Variants in FNDC3A observed in about 807,000 individuals in gnomAD.
FNDC3A encodes fibronectin type III domain containing 3A, also known as fibronectin type-III domain-containing protein 3A.
A neutral mutation model predicts 148.9 loss-of-function variants in FNDC3A; 32 were observed. The observed-to-expected ratio is 0.21, with a 90% confidence interval of 0.16 to 0.29. The LOEUF (loss-of-function observed/expected upper bound fraction) is 0.29. Among genes scored for constraint, FNDC3A ranks in the 10% least tolerant of loss-of-function variants. The pLI is 1.00. For missense variants in FNDC3A, 1,191 were observed against 1,452.8 expected, an observed-to-expected ratio of 0.82 and a Z score of 2.93; for synonymous variants, 472 against 473.6, an observed-to-expected ratio of 1.00 and a Z score of 0.04.
intron 2 of FNDC3A, chr13:49,044,818 CTT>C (rs1875235143): frequency 2.5e-6 from 1 of 402,596 alleles, no homozygotes; most frequent in South Asian, 2.1e-5. Flanking sequence ...TTTTTCAATA[CTT>C]TTTGTGTGTT....
At chr13:49,107,439 G>C (rs1880269936) in intron 3 of FNDC3A, among the ~76,000 whole-genome samples, 1 of 152,148 alleles carries the variant, frequency 6.6e-6, no homozygotes, top group African/African-American at 2.4e-5. Context: ...CAGATGCAAT[G>C]GTTCAAAGAG....
chr13:49,131,176 C>T lies in FNDC3A; in HGVS notation c.292C>T (p.Pro98Ser), dbSNP rs765471878. The T allele has an allele frequency of 3.1e-6, 5 of 1,613,730 alleles. No homozygotes were observed. The East Asian group carries it at 8.9e-5, about 29-fold the overall frequency. ...DNGVRRVVVVPQAPEFHPGSH... is the reference protein window; with the variant it reads ...DNGVRRVVVVSQAPEFHPGSH... ...TGGTGTTCGAAGAGTTGTCGTGGTC[C>T]CTCAGGCACCAGAGTTTCACCCTGG... Residue 98 changes from proline to serine, a missense_variant, in exon 5 of 26, where the codon CCT becomes TCT. Transcript: ENST00000492622.
chr13:49,163,262 C>A (rs944318286), intron 8 of FNDC3A, among the ~76,000 whole-genome samples: 2 of 152,228 alleles, frequency 1.3e-5, no homozygotes, highest in African/African-American at 4.8e-5. Flanking sequence ...GGCAGGCAGG[C>A]CTCCTTGAGC....
intron 2 of FNDC3A, among the ~76,000 whole-genome samples, chr13:49,025,874 A>G (rs1311206474): frequency 2.0e-5 from 3 of 152,212 alleles, no homozygotes; most frequent in African/African-American, 7.2e-5. Context: ...AGCAGTATTT[A>G]ATAAAGCTGA....
At chr13:48,987,581 A>T (rs1220178785) in intron 1 of FNDC3A, among the ~76,000 whole-genome samples, 4 of 152,180 alleles carry the variant, frequency 2.6e-5, no homozygotes, top group Non-Finnish European at 5.9e-5. Flanking sequence ...TTCTTCACTT[A>T]AGGGACATGA....
At chr13:49,132,913 C>G (rs111400385) in intron 5 of FNDC3A, among the ~76,000 whole-genome samples, 1 of 152,170 alleles carries the variant, frequency 6.6e-6, no homozygotes, top group Admixed American at 6.5e-5. Flanking sequence ...ATGGCTGTCT[C>G]CCTTATTTGA....
chr13:49,080,656 TTTATA>T (rs1444549841), intron 3 of FNDC3A, among the ~76,000 whole-genome samples: 1 of 152,184 alleles, frequency 6.6e-6, no homozygotes, highest in Non-Finnish European at 1.5e-5. Flanking sequence ...GATTTTAGGT[TTTATA>T]TTAATAGATC....
intron 2 of FNDC3A, among the ~76,000 whole-genome samples, chr13:49,053,898 A>C (rs1593523099): frequency 1.3e-5 from 2 of 152,336 alleles, no homozygotes; most frequent in East Asian, 3.9e-4. Flanking sequence ...GGGCCATTGC[A>C]AAATATGTCA....
chr13:49,059,924 C>A lies in FNDC3A; in HGVS notation c.100-15365C>A, dbSNP rs535919841. Among the ~76,000 whole-genome samples the A allele has an allele frequency of 2.0e-5, 3 of 152,322 alleles. No homozygotes were observed. The South Asian group carries it at 6.2e-4, about 32-fold the overall frequency. On this transcript the variant is annotated intron_variant, in intron 2 of 25. Transcript: ENST00000492622. ...AGCAAACACAAGAAAAGATGCTCAA[C>A]ATCATTAGTCATTAGGGAAATGCAA...
intron 2 of FNDC3A, among the ~76,000 whole-genome samples, chr13:49,049,383 G>A (rs1006404854): frequency 3.9e-5 from 6 of 151,930 alleles, no homozygotes; most frequent in African/African-American, 1.5e-4. Context: ...AGTAGGATTG[G>A]TACCAATTCT....
rs1380554939 is a variant in FNDC3A, at chr13:49,058,646, C to T, written c.100-16643C>T. ...AAGGACCCAGAAGAAACCAAACCTG[C>T]TGACACCTTGATCTTGGATTTCTAG... is the stretch of plus-strand genomic sequence containing the variant. On this transcript the variant is annotated intron_variant, in intron 2 of 25. Coordinates refer to ENST00000492622, the MANE Select transcript of FNDC3A (RefSeq NM_001079673.2). Among the ~76,000 whole-genome samples the T allele has an allele frequency of 2.0e-5, 3 of 152,192 alleles. No individual in the cohort carries two copies. In the South Asian group the frequency reaches 6.2e-4, roughly 32 times the overall value.
In FNDC3A at chr13:49,207,407, T is replaced by C; in HGVS notation, c.*12T>C. The C allele has an allele frequency of 6.8e-7, 1 of 1,474,374 alleles. No individual in the cohort carries two copies. The allele number at this position is 1,474,374 out of a possible 1,614,324, so 91.3% of individuals were successfully genotyped here. Reference sequence around the variant, plus strand: ...TTGTAATCAAGTGAAAATATAACTTTATTTTTTAACTCTATTACATTTTAT... The same window carrying C: ...TTGTAATCAAGTGAAAATATAACTTCATTTTTTAACTCTATTACATTTTAT... On this transcript the variant is annotated 3_prime_UTR_variant, in exon 26 of 26. Coordinates refer to ENST00000492622, the MANE Select transcript of FNDC3A (RefSeq NM_001079673.2).
At chr13:49,205,989 G>T (rs1886626327) in intron 25 of FNDC3A, among the ~76,000 whole-genome samples, 1 of 152,160 alleles carries the variant, frequency 6.6e-6, no homozygotes. Flanking sequence ...GTACTTGAAA[G>T]CCCCCATGTG....
At chr13:49,108,563 T>C (rs956656311) in intron 3 of FNDC3A, among the ~76,000 whole-genome samples, 2 of 152,160 alleles carry the variant, frequency 1.3e-5, no homozygotes, top group Non-Finnish European at 2.9e-5. Context: ...GGAGAATTTA[T>C]TTATAATGGA....
At chr13:49,180,130 C>A (rs1414970506) in intron 14 of FNDC3A, among the ~76,000 whole-genome samples, 2 of 152,134 alleles carry the variant, frequency 1.3e-5, no homozygotes, top group South Asian at 2.1e-4. Flanking sequence ...CAATTCTAAT[C>A]CAGTGCCACA....
chr13:49,100,306 GC>G (rs1219804483), intron 3 of FNDC3A, among the ~76,000 whole-genome samples: 5 of 151,814 alleles, frequency 3.3e-5, no homozygotes, highest in African/African-American at 1.2e-4. Context: ...ATGATTTTTA[GC>G]CCCCTTTTTC....
chr13:49,123,009 T>TA (rs1881459306), intron 4 of FNDC3A, among the ~76,000 whole-genome samples: 1 of 152,196 alleles, frequency 6.6e-6, no homozygotes, highest in South Asian at 2.1e-4. Context: ...TTAAATTTCA[T>TA]ATGGAACCAA....
chr13:49,152,263 A>G (rs964899038), intron 8 of FNDC3A, among the ~76,000 whole-genome samples: 2 of 152,000 alleles, frequency 1.3e-5, no homozygotes, highest in Non-Finnish European at 1.5e-5. Flanking sequence ...TTTAATGATC[A>G]CCATTCTAAC....
chr13:49,199,821 C>G (rs928193236), intron 23 of FNDC3A, among the ~76,000 whole-genome samples: 13 of 152,120 alleles, frequency 8.5e-5, no homozygotes, highest in Admixed American at 4.6e-4. Flanking sequence ...ATCACTGTTG[C>G]TAATCTTTGC....
Sources: allele counts gnomAD v4.1 joint callset (sites outside exome capture counted in the v4.1 genomes callset), GRCh38; gene constraint gnomAD v4.1.1; transcripts MANE v1.5; gene names NCBI Gene and HGNC (gene_info 2026-07-23, HGNC 2026-07-21).